MMP26: variants seen among roughly 807,000 people sequenced by gnomAD.
MMP26 encodes matrix metalloproteinase-26.
MMP26 carries 33 observed loss-of-function variants against 31.0 expected under a neutral mutation model. That is an observed-to-expected ratio of 1.06 (90% CI 0.81 to 1.42). The LOEUF (loss-of-function observed/expected upper bound fraction) is 1.42. MMP26 is among the 40% of genes most tolerant of loss of function. The pLI is 0.00. For synonymous variants in MMP26, 122 were observed against 114.9 expected (o/e 1.06, Z -0.40); for missense variants, 347 against 316.1 (o/e 1.10, Z -0.74).
chr11:4,764,864 C>A (rs550288499), intron 1 of MMP26, among the ~76,000 whole-genome samples: 44 of 143,322 alleles, frequency 3.1e-4, no homozygotes, highest in Non-Finnish European at 5.0e-4. Flanking sequence ...GGTGACAGAG[C>A]GAGACTCCAT....
At chr11:4,921,026 C>A (rs1851175476) in intron 2 of MMP26, among the ~76,000 whole-genome samples, 1 of 152,168 alleles carries the variant, frequency 6.6e-6, no homozygotes, top group Admixed American at 6.5e-5. Context: ...TTAAGTCAAA[C>A]CACTGGAGCT....
At position 4,853,220 on chromosome 11, in the gene MMP26, C is replaced by T. The variant is rs570290583; in HGVS notation, c.-145+85879C>T. The stretch of plus-strand genomic sequence containing the variant: ...TAGGTATCCTCCAAACACACACACC[C>T]ATACAAACATGCACACACACACATA... On this transcript the variant is annotated intron_variant, in intron 2 of 7. Coordinates refer to ENST00000380390, the MANE Select transcript of MMP26 (RefSeq NM_021801.5). Among the ~76,000 whole-genome samples the T allele has an allele frequency of 2.6e-5, 4 of 152,242 alleles. 1 individual carries two copies. The highest frequency in any genetic ancestry group is 2.9e-5 in the Non-Finnish European group (2 of 67,998).
intron 2 of MMP26, chr11:4,821,745 A>G (rs1437570472): frequency 6.2e-7 from 1 of 1,613,828 alleles, no homozygotes; most frequent in African/African-American, 1.3e-5. Flanking sequence ...TTCTACACGG[A>G]TTTACTTTCA....
intron 2 of MMP26, chr11:4,821,252 G>T: frequency 1.4e-6 from 1 of 720,746 alleles, no homozygotes; most frequent in Non-Finnish European, 2.3e-6. Context: ...GACAGACTTG[G>T]AGAGAAATGT....
chr11:4,780,292 AC>A (rs1848841400), intron 2 of MMP26, among the ~76,000 whole-genome samples: 1 of 152,128 alleles, frequency 6.6e-6, no homozygotes, highest in African/African-American at 2.4e-5. Flanking sequence ...ATAGCAAACA[AC>A]CCTCCCACAA....
intron 2 of MMP26, among the ~76,000 whole-genome samples, chr11:4,916,784 C>T (rs1326527782): frequency 6.6e-6 from 1 of 152,164 alleles, no homozygotes; most frequent in African/African-American, 2.4e-5. Flanking sequence ...CAATCAGTAA[C>T]CAGAATTCCC....
At chr11:4,770,601 T>G (rs1848703115) in intron 2 of MMP26, among the ~76,000 whole-genome samples, 1 of 152,088 alleles carries the variant, frequency 6.6e-6, no homozygotes, top group Admixed American at 6.5e-5. Context: ...ATCCCAGCAC[T>G]TTGGAGGCAG....
intron 2 of MMP26, among the ~76,000 whole-genome samples, chr11:4,790,224 C>A (rs776811139): frequency 6.6e-6 from 1 of 151,956 alleles, no homozygotes. Flanking sequence ...GCCTATAATC[C>A]CAGCTACTCG....
chr11:4,750,561 A>G (rs922240109), intron 1 of MMP26, among the ~76,000 whole-genome samples: 5 of 152,170 alleles, frequency 3.3e-5, no homozygotes, highest in African/African-American at 1.2e-4. Flanking sequence ...AAACGTGGTG[A>G]GTGTATACCA....
chr11:4,864,244 C>T (rs1344684550), intron 2 of MMP26, among the ~76,000 whole-genome samples: 1 of 152,136 alleles, frequency 6.6e-6, no homozygotes, highest in Non-Finnish European at 1.5e-5. Flanking sequence ...TAATTTCTTG[C>T]ATTTGATTTA....
At chr11:4,921,145 A>G (rs1174100895) in intron 2 of MMP26, among the ~76,000 whole-genome samples, 3 of 152,182 alleles carry the variant, frequency 2.0e-5, no homozygotes, top group African/African-American at 7.2e-5. Context: ...AGCTTGTAGG[A>G]CTTTTATATT....
intron 2 of MMP26, chr11:4,803,560 A>G: frequency 1.2e-6 from 2 of 1,613,960 alleles, no homozygotes; most frequent in Non-Finnish European, 1.7e-6. Flanking sequence ...GATGTGTACA[A>G]CTCGGGGCAC....
At chr11:4,894,725 G>A (rs1262493349) in intron 2 of MMP26, among the ~76,000 whole-genome samples, 1 of 152,196 alleles carries the variant, frequency 6.6e-6, no homozygotes, top group Non-Finnish European at 1.5e-5. Flanking sequence ...GAAGGTAAGA[G>A]ACAGCTGGAG....
intron 1 of MMP26, among the ~76,000 whole-genome samples, chr11:4,754,379 A>G (rs1848482031): frequency 6.6e-6 from 1 of 151,960 alleles, no homozygotes; most frequent in South Asian, 2.1e-4. Flanking sequence ...TGTATGGCTC[A>G]GACGTGAAAC....
At chr11:4,765,414 C>G (rs866754685) in intron 1 of MMP26, among the ~76,000 whole-genome samples, 11 of 152,228 alleles carry the variant, frequency 7.2e-5, no homozygotes, top group African/African-American at 2.4e-4. Flanking sequence ...CAAAGACTGA[C>G]AGGTCCTGCT....
At chr11:4,770,805 C>T (rs562414106) in intron 2 of MMP26, among the ~76,000 whole-genome samples, 2 of 151,858 alleles carry the variant, frequency 1.3e-5, no homozygotes, top group Admixed American at 6.6e-5. Flanking sequence ...ATTGCACCAC[C>T]GCACTCCAGC....
chr11:4,803,830 T>C (rs866015997), intron 2 of MMP26: 1 of 1,612,966 alleles, frequency 6.2e-7, no homozygotes, highest in Middle Eastern at 1.6e-4. Context: ...CACAGCCATG[T>C]GCTCACAGTA....
At chr11:4,978,937 C>G (rs1427987382) in intron 2 of MMP26, among the ~76,000 whole-genome samples, 1 of 152,058 alleles carries the variant, frequency 6.6e-6, no homozygotes, top group Non-Finnish European at 1.5e-5. Context: ...ATAGAATCTA[C>G]CAGCAAGATA....
chr11:4,720,844 C>T lies in MMP26; in HGVS notation c.-217+15799C>T, dbSNP rs151120737. On this transcript the variant is annotated intron_variant, in intron 1 of 7. Transcript: ENST00000380390. Reference sequence around the variant, plus strand: ...TCAGGAACACCACAGAAAGACCTCTCGTGGAGTTGAGACTTAGGTCCCTGA... The same window carrying T: ...TCAGGAACACCACAGAAAGACCTCTTGTGGAGTTGAGACTTAGGTCCCTGA... Among the ~76,000 whole-genome samples the T allele has an allele frequency of 2.2e-3, 337 of 152,272 alleles. 1 individual carries two copies. The South Asian group carries it at 0.025, about 11-fold the overall frequency.
Sources: gnomAD v4.1 joint callset for allele counts (sites outside exome capture counted in the v4.1 genomes callset) on GRCh38, gnomAD v4.1.1 for gene constraint, MANE v1.5 for transcripts, NCBI Gene and HGNC (gene_info 2026-07-23, HGNC 2026-07-21) for gene names.